AGBL4: variants seen among roughly 807,000 people sequenced by gnomAD.
AGBL4 encodes the protein cytosolic carboxypeptidase 6.
In AGBL4, 58 loss-of-function variants were observed where a neutral mutation model predicts 66.4. The ratio of observed to expected loss-of-function variants is 0.87; its 90% CI spans 0.71 to 1.09. AGBL4 has a LOEUF of 1.09. AGBL4 is among the 50% of genes least tolerant of loss of function. AGBL4 has a pLI of 0.00. For synonymous variants in AGBL4, 234 were observed against 222.9 expected (o/e 1.05, Z -0.44); for missense variants, 579 against 631.0 (o/e 0.92, Z 0.88).
chr1:48,936,697 C>A lies in AGBL4; in HGVS notation c.595-69467G>T, dbSNP rs1298380624. Among the ~76,000 whole-genome samples, 4 of 152,254 alleles carry A rather than the reference C, an allele frequency of 2.6e-5. No homozygotes were observed. In the South Asian group the frequency reaches 6.2e-4, roughly 24 times the overall value. On this transcript the variant is annotated intron_variant, in intron 5 of 13. Coordinates refer to ENST00000371839, the MANE Select transcript of AGBL4 (RefSeq NM_032785.4). ...GAATGAATCATCCCGGTCTTATTTGCAAATAATAGTAAAAGGGCATTTTAC... is the reference window on the plus strand; with the variant it reads ...GAATGAATCATCCCGGTCTTATTTGAAAATAATAGTAAAAGGGCATTTTAC...
At chr1:49,604,758 C>T (rs2124190259) in intron 3 of AGBL4, among the ~76,000 whole-genome samples, 1 of 152,224 alleles carries the variant, frequency 6.6e-6, no homozygotes, top group Middle Eastern at 3.4e-3. Flanking sequence ...CTCTCTCCCC[C>T]ATTTCCCTCT....
At chr1:49,648,248 T>C (rs1353866847) in intron 3 of AGBL4, among the ~76,000 whole-genome samples, 1 of 151,650 alleles carries the variant, frequency 6.6e-6, no homozygotes, top group African/African-American at 2.4e-5. Context: ...TAATATAGGC[T>C]GGACACAGCT....
intron 9 of AGBL4, among the ~76,000 whole-genome samples, chr1:48,591,956 C>T (rs566279104): frequency 6.6e-6 from 1 of 152,290 alleles, no homozygotes; most frequent in South Asian, 2.1e-4. Context: ...AAGAAACAAT[C>T]CCAGAGAGAT....
intron 4 of AGBL4, among the ~76,000 whole-genome samples, chr1:49,124,481 C>T (rs945722824): frequency 2.6e-5 from 4 of 152,140 alleles, no homozygotes; most frequent in African/African-American, 9.7e-5. Flanking sequence ...ATTTGCCAAC[C>T]CTGACCGTAG....
intron 3 of AGBL4, among the ~76,000 whole-genome samples, chr1:49,680,632 G>C (rs1412952023): frequency 1.3e-5 from 2 of 151,688 alleles, no homozygotes; most frequent in African/African-American, 4.8e-5. Flanking sequence ...TCTTTCCTCT[G>C]TTTTCTTTCA....
At chr1:49,908,317 C>T (rs1220311628) in intron 1 of AGBL4, among the ~76,000 whole-genome samples, 1 of 152,154 alleles carries the variant, frequency 6.6e-6, no homozygotes, top group African/African-American at 2.4e-5. Flanking sequence ...TGGGAAGTGA[C>T]TGGATCATGG....
At chr1:49,275,562 T>A (rs1644151361) in intron 3 of AGBL4, among the ~76,000 whole-genome samples, 1 of 152,186 alleles carries the variant, frequency 6.6e-6, no homozygotes, top group South Asian at 2.1e-4. Context: ...ACTTTTAATT[T>A]CATAACTAAA....
intron 6 of AGBL4, among the ~76,000 whole-genome samples, chr1:48,858,560 GA>G (rs1325591706): frequency 2.0e-5 from 3 of 152,118 alleles, no homozygotes; most frequent in African/African-American, 7.2e-5. Flanking sequence ...TGTGGTAAGT[GA>G]AAAAAGCCAG....
At chr1:49,546,880 G>A (rs1224841037) in intron 3 of AGBL4, among the ~76,000 whole-genome samples, 1 of 152,142 alleles carries the variant, frequency 6.6e-6, no homozygotes, top group Admixed American at 6.5e-5. Context: ...ATTTGTTTGA[G>A]TTAGTTGTAG....
chr1:48,853,456 A>C (rs1297046187), intron 6 of AGBL4, among the ~76,000 whole-genome samples: 1 of 152,214 alleles, frequency 6.6e-6, no homozygotes, highest in Non-Finnish European at 1.5e-5. Flanking sequence ...CACAGTAATA[A>C]CTGTTTATTT....
At chr1:49,342,894 A>C (rs1645568316) in intron 3 of AGBL4, among the ~76,000 whole-genome samples, 1 of 152,184 alleles carries the variant, frequency 6.6e-6, no homozygotes, top group Admixed American at 6.5e-5. Flanking sequence ...TCACAACCTT[A>C]GTTAAGGCTT....
chr1:49,353,727 C>G (rs1643958875), intron 3 of AGBL4, among the ~76,000 whole-genome samples: 1 of 152,104 alleles, frequency 6.6e-6, no homozygotes, highest in Non-Finnish European at 1.5e-5. Flanking sequence ...ACCCCAGGCT[C>G]CACGAGCAGA....
At chr1:49,957,251 A>G (rs538075236) in intron 1 of AGBL4, among the ~76,000 whole-genome samples, 1 of 152,176 alleles carries the variant, frequency 6.6e-6, no homozygotes, top group South Asian at 2.1e-4. Flanking sequence ...CAGATCTTTT[A>G]CATTTGCTAG....
intron 1 of AGBL4, among the ~76,000 whole-genome samples, chr1:49,927,081 C>T (rs1228187469): frequency 6.6e-6 from 1 of 152,036 alleles, no homozygotes; most frequent in Non-Finnish European, 1.5e-5. Context: ...GTTTTTTCTG[C>T]CTGCAACATT....
chr1:49,319,425 G>C (rs189249443), intron 3 of AGBL4, among the ~76,000 whole-genome samples: 1 of 152,118 alleles, frequency 6.6e-6, no homozygotes, highest in Admixed American at 6.6e-5. Flanking sequence ...AAAAAGTCTG[G>C]AATTAGGCAC....
intron 1 of AGBL4, among the ~76,000 whole-genome samples, chr1:49,925,618 G>T (rs1652685993): frequency 6.6e-6 from 1 of 152,176 alleles, no homozygotes; most frequent in Non-Finnish European, 1.5e-5. Flanking sequence ...AGCATCTCTG[G>T]ACATGCCCTG....
chr1:48,759,663 G>A (rs138475470), intron 6 of AGBL4, among the ~76,000 whole-genome samples: 2,583 of 152,322 alleles, frequency 0.017, 74 homozygotes, highest in African/African-American at 0.06. Context: ...TGTTCAATAT[G>A]TATTTGTGGA....
intron 3 of AGBL4, among the ~76,000 whole-genome samples, chr1:49,692,964 T>C (rs372853320): frequency 1.3e-5 from 2 of 152,302 alleles, no homozygotes; most frequent in African/African-American, 4.8e-5. Flanking sequence ...GTCAAAATAA[T>C]AACTCTATCT....
chr1:48,637,388 G>T (rs778872866), intron 8 of AGBL4, among the ~76,000 whole-genome samples: 66 of 152,182 alleles, frequency 4.3e-4, no homozygotes, highest in Non-Finnish European at 7.6e-4. Context: ...TTTGGGGAAT[G>T]CCCAGCATCT....
Sources: gnomAD v4.1 joint callset for allele counts (sites outside exome capture counted in the v4.1 genomes callset) on GRCh38, gnomAD v4.1.1 for gene constraint, MANE v1.5 for transcripts, NCBI Gene and HGNC (gene_info 2026-07-23, HGNC 2026-07-21) for gene names.